KCNIP4: variants seen among roughly 807,000 people sequenced by gnomAD.
KCNIP4 encodes potassium voltage-gated channel interacting protein 4.
A neutral mutation model predicts 34.0 loss-of-function variants in KCNIP4; 12 were observed. The observed-to-expected ratio is 0.35, with a 90% CI of 0.23 to 0.57. The LOEUF is 0.57. KCNIP4 is among the 20% of genes least tolerant of loss of function. The pLI, the probability that KCNIP4 is intolerant of heterozygous loss-of-function variation, is 0.83. For missense variants in KCNIP4, 238 were observed against 311.7 expected (o/e 0.76, Z 1.78); for synonymous variants, 124 against 102.2 (o/e 1.21, Z -1.29).
At chr4:21,834,794 T>C (rs1723215600) in intron 1 of KCNIP4, among the ~76,000 whole-genome samples, 1 of 152,212 alleles carries the variant, frequency 6.6e-6, no homozygotes, top group African/African-American at 2.4e-5. Flanking sequence ...TGAGAGTTTT[T>C]AGCATGAAGG....
intron 1 of KCNIP4, among the ~76,000 whole-genome samples, chr4:21,575,284 T>C (rs755281202): frequency 5.3e-5 from 8 of 152,154 alleles, no homozygotes; most frequent in Non-Finnish European, 1.2e-4. Flanking sequence ...GAGTCCAAGA[T>C]GATTTGGAGG....
At chr4:20,861,377 T>G (rs1157945287) in intron 2 of KCNIP4, among the ~76,000 whole-genome samples, 1 of 152,152 alleles carries the variant, frequency 6.6e-6, no homozygotes, top group Non-Finnish European at 1.5e-5. Context: ...ATAGAAGCAA[T>G]TAATTCCAAG....
At chr4:21,886,170 T>C (rs1005347338) in intron 1 of KCNIP4, among the ~76,000 whole-genome samples, 1 of 152,156 alleles carries the variant, frequency 6.6e-6, no homozygotes, top group Non-Finnish European at 1.5e-5. Context: ...CTGAAACTTA[T>C]TATGATTTTC....
chr4:21,195,947 A>C (rs1455117478), intron 1 of KCNIP4, among the ~76,000 whole-genome samples: 1 of 151,568 alleles, frequency 6.6e-6, no homozygotes, highest in Non-Finnish European at 1.5e-5. Flanking sequence ...GCAAGGAAGC[A>C]GTCAGCGACC....
chr4:21,082,316 G>T (rs573571037), intron 1 of KCNIP4, among the ~76,000 whole-genome samples: 4 of 151,708 alleles, frequency 2.6e-5, no homozygotes, highest in Non-Finnish European at 4.4e-5. Context: ...CCACTAGAAG[G>T]TGTCATTAGA....
chr4:21,341,540 T>TA (rs1488173304), intron 1 of KCNIP4, among the ~76,000 whole-genome samples: 1 of 151,026 alleles, frequency 6.6e-6, no homozygotes, highest in East Asian at 1.9e-4. Flanking sequence ...TATTACATTT[T>TA]AAATCATTTC....
At chr4:21,225,037 C>T (rs1758276697) in intron 1 of KCNIP4, among the ~76,000 whole-genome samples, 1 of 152,124 alleles carries the variant, frequency 6.6e-6, no homozygotes, top group Non-Finnish European at 1.5e-5. Context: ...TGTAAGTGTT[C>T]TGAGCATGTT....
intron 1 of KCNIP4, among the ~76,000 whole-genome samples, chr4:21,425,888 G>GAA (rs33918514): frequency 3.3e-5 from 5 of 151,610 alleles, no homozygotes; most frequent in Non-Finnish European, 5.9e-5. Context: ...CATCTCTATA[G>GAA]AAAAAAATAC....
At chr4:21,519,827 G>T (rs1421845286) in intron 1 of KCNIP4, among the ~76,000 whole-genome samples, 1 of 143,612 alleles carries the variant, frequency 7.0e-6, no homozygotes, top group Non-Finnish European at 1.5e-5. Flanking sequence ...GTATACACAC[G>T]TGTGTGTATG....
intron 1 of KCNIP4, among the ~76,000 whole-genome samples, chr4:21,857,720 C>A (rs1359128136): frequency 6.6e-6 from 1 of 152,202 alleles, no homozygotes; most frequent in Non-Finnish European, 1.5e-5. Context: ...ATACTTCATT[C>A]TTCCTGGCTG....
chr4:21,943,490 T>C (rs1730314999), intron 1 of KCNIP4, among the ~76,000 whole-genome samples: 1 of 151,802 alleles, frequency 6.6e-6, no homozygotes, highest in African/African-American at 2.4e-5. Flanking sequence ...CAGTGACCCA[T>C]AATGGCACCA....
chr4:20,833,519 C>A (rs1466578132), intron 3 of KCNIP4, among the ~76,000 whole-genome samples: 1 of 147,340 alleles, frequency 6.8e-6, no homozygotes, highest in Non-Finnish European at 1.5e-5. Flanking sequence ...TTAAAAAAAT[C>A]TTTACGGGTC....
intron 1 of KCNIP4, among the ~76,000 whole-genome samples, chr4:20,964,557 C>CAA (rs1291808337): frequency 6.6e-6 from 1 of 152,154 alleles, no homozygotes; most frequent in Non-Finnish European, 1.5e-5. Flanking sequence ...CCCTGGCCTT[C>CAA]ATCCACTTTT....
intron 1 of KCNIP4, among the ~76,000 whole-genome samples, chr4:21,654,482 T>C (rs904413908): frequency 2.0e-5 from 3 of 151,686 alleles, no homozygotes; most frequent in African/African-American, 4.9e-5. Context: ...TGCTAACAAA[T>C]ACCTTGATTA....
At chr4:21,504,215 C>A (rs965688611) in intron 1 of KCNIP4, among the ~76,000 whole-genome samples, 11 of 152,036 alleles carry the variant, frequency 7.2e-5, no homozygotes, top group African/African-American at 2.7e-4. Context: ...TGCCTGTAAT[C>A]TCAGCACTTT....
intron 1 of KCNIP4, among the ~76,000 whole-genome samples, chr4:21,879,765 C>G (rs1726358186): frequency 6.6e-6 from 1 of 151,674 alleles, no homozygotes; most frequent in African/African-American, 2.4e-5. Context: ...TCGCTGTGTC[C>G]TCACCCAAAT....
intron 1 of KCNIP4, among the ~76,000 whole-genome samples, chr4:20,997,725 T>A (rs1289014317): frequency 6.6e-6 from 1 of 152,110 alleles, no homozygotes; most frequent in African/African-American, 2.4e-5. Flanking sequence ...ACGAGGAAGA[T>A]TCTGTATGTA....
chr4:21,881,252 CT>C (rs1726442867), intron 1 of KCNIP4, among the ~76,000 whole-genome samples: 1 of 152,028 alleles, frequency 6.6e-6, no homozygotes, highest in South Asian at 2.1e-4. Flanking sequence ...GAGAAATTAA[CT>C]CTTTATATTG....
At chr4:21,253,045 G>C (rs991973423) in intron 1 of KCNIP4, among the ~76,000 whole-genome samples, 1 of 152,136 alleles carries the variant, frequency 6.6e-6, no homozygotes, top group Non-Finnish European at 1.5e-5. Context: ...TTTTACAGAA[G>C]TACAAAGCCT....
Sources: gnomAD v4.1 joint callset for allele counts (sites outside exome capture counted in the v4.1 genomes callset) on GRCh38, gnomAD v4.1.1 for gene constraint, MANE v1.5 for transcripts, NCBI Gene and HGNC (gene_info 2026-07-23, HGNC 2026-07-21) for gene names.